SEC24A: variants seen among roughly 807,000 people sequenced by gnomAD.
The protein encoded by SEC24A is protein transport protein Sec24A.
A neutral mutation model predicts 129.4 loss-of-function variants in SEC24A; 93 were observed. The observed-to-expected ratio is 0.72, with a 90% CI of 0.61 to 0.85. The LOEUF (loss-of-function observed/expected upper bound fraction) is 0.85. Ranked by LOEUF, SEC24A falls within the 40% of genes least tolerant of loss-of-function variation. The probability of loss-of-function intolerance (pLI) is 0.00; values close to 1 mark genes in which losing one functional copy is unlikely to be tolerated. For synonymous variants in SEC24A, 460 were observed against 467.3 expected (o/e 0.98, Z 0.20); for missense variants, 1,264 against 1,307.4 (o/e 0.97, Z 0.51).
chr5:134,664,792 CTTTTTTTTTTTTTT>C (rs70976552), intron 2 of SEC24A, among the ~76,000 whole-genome samples: 5 of 86,206 alleles, frequency 5.8e-5, no homozygotes, highest in African/African-American at 8.2e-5. Flanking sequence ...TTTTCTTTTT[CTTTTTTTTTTTTTT>C]TTTTTTTTTT....
chr5:134,718,693 C>T (rs1014530216), intron 20 of SEC24A, among the ~76,000 whole-genome samples: 4 of 151,894 alleles, frequency 2.6e-5, no homozygotes, highest in African/African-American at 9.7e-5. Context: ...AAAATAGGGC[C>T]GGGCACGGTG....
intron 11 of SEC24A, among the ~76,000 whole-genome samples, 187 bp downstream of exon 11, chr5:134,688,486 T>C (rs1751524628): frequency 6.6e-6 from 1 of 152,168 alleles, no homozygotes; most frequent in Admixed American, 6.6e-5. Context: ...ATGGGGGTTA[T>C]GGAGACAACC....
intron 7 of SEC24A, among the ~76,000 whole-genome samples, chr5:134,678,815 C>T (rs575264039): frequency 2.9e-4 from 44 of 152,300 alleles, no homozygotes; most frequent in African/African-American, 1.0e-3. Context: ...CTCCTGACCT[C>T]GCGTTCCACC....
Position 134,661,254 on chromosome 5 carries a change from G to T in SEC24A, c.233G>T (p.Gly78Val). The T allele has an allele frequency of 6.2e-7, 1 of 1,614,134 alleles. No homozygotes were observed. The highest frequency in any genetic ancestry group is 8.5e-7 in the Non-Finnish European group (1 of 1,180,042). The change falls in exon 2 of 23, where the codon GGT (glycine) becomes GTT (valine). Residue 78 changes from glycine (G) to valine (V), a missense_variant. Gly to Val is a moderately radical substitution (Grantham distance 109). Transcript: ENST00000398844. ...GTCTCTGGACAGTCTAACTATGGTGGTTCTCAGGGATCTGGGCAGACTCTT... is the reference window on the plus strand; with the variant it reads ...GTCTCTGGACAGTCTAACTATGGTGTTTCTCAGGGATCTGGGCAGACTCTT... ...NPVSGQSNYGGSQGSGQTLNR... is the reference protein window; with the variant it reads ...NPVSGQSNYGVSQGSGQTLNR...
chr5:134,682,612 G>T lies in SEC24A; in HGVS notation c.1491+130G>T, dbSNP rs1290469726. 1.4e-5 allele frequency: 7 copies of T among 511,698 alleles called. No homozygotes were observed. The East Asian group carries it at 2.3e-4, about 17-fold the overall frequency. 31.7% of individuals were successfully genotyped at this position (511,698 alleles called of 1,614,324 possible). On this transcript the variant is annotated intron_variant, in intron 9 of 22. Coordinates refer to ENST00000398844, the MANE Select transcript of SEC24A (RefSeq NM_021982.3). Reference sequence around the variant, plus strand: ...ACAGAGTTTCACTCTCATTGCCCATGCTGGAGTGCAGTGGTGCAGTGGCAG... The same window carrying T: ...ACAGAGTTTCACTCTCATTGCCCATTCTGGAGTGCAGTGGTGCAGTGGCAG...
Position 134,725,774 on chromosome 5 carries a change from T to C in SEC24A, c.*680T>C, listed in dbSNP as rs1182172170. ...TGAGAACTATCATTAGGTGGTTTTC[T>C]GATTTCCTGATGAAGAGTTGGACAT... On this transcript the variant is annotated 3_prime_UTR_variant, in exon 23 of 23. Coordinates refer to ENST00000398844, the MANE Select transcript of SEC24A (RefSeq NM_021982.3). 3 of 152,566 alleles carry C rather than the reference T, an allele frequency of 2.0e-5. No homozygotes were observed. Among genetic ancestry groups the C allele is most frequent in the African/African-American group, 7.2e-5 (3 of 41,450 alleles). 9.5% of individuals were successfully genotyped at this position (152,566 alleles called of 1,614,324 possible).
chr5:134,705,075 TA>T (rs1752113988), intron 16 of SEC24A, among the ~76,000 whole-genome samples: 1 of 126,372 alleles, frequency 7.9e-6, no homozygotes, highest in African/African-American at 3.3e-5. Flanking sequence ...TATATTTATA[TA>T]TATATATATA....
chr5:134,666,170 T>A (rs1398098980), intron 2 of SEC24A, among the ~76,000 whole-genome samples: 2 of 152,182 alleles, frequency 1.3e-5, no homozygotes, highest in Non-Finnish European at 2.9e-5. Context: ...CAGGGCAATG[T>A]ATCTACTCTA....
intron 11 of SEC24A, among the ~76,000 whole-genome samples, chr5:134,688,599 A>C (rs1751528961): frequency 6.6e-6 from 1 of 152,170 alleles, no homozygotes; most frequent in Non-Finnish European, 1.5e-5. Context: ...GTATTTGAGG[A>C]TAGACATATA....
At chr5:134,698,757 C>T (rs892262367) in intron 15 of SEC24A, among the ~76,000 whole-genome samples, 3 of 151,222 alleles carry the variant, frequency 2.0e-5, no homozygotes, top group Non-Finnish European at 4.4e-5. Flanking sequence ...TTCAGCCTCC[C>T]GAGTAGCTGG....
chr5:134,708,605 GGAGA>G, intron 17 of SEC24A, 104 bp from the exon 18 acceptor site: 1 of 987,008 alleles, frequency 1.0e-6, no homozygotes, highest in East Asian at 2.5e-5. Context: ...GTAGTAAATT[GGAGA>G]GATACTTGGT....
intron 9 of SEC24A, among the ~76,000 whole-genome samples, chr5:134,685,133 G>A (rs954078390): frequency 2.6e-5 from 4 of 152,130 alleles, no homozygotes; most frequent in African/African-American, 9.7e-5. Flanking sequence ...ACTTTGGGAA[G>A]CCGATGCAGG....
At chr5:134,660,908 C>T (rs1482160076) in intron 1 of SEC24A, among the ~76,000 whole-genome samples, 2 of 152,108 alleles carry the variant, frequency 1.3e-5, no homozygotes, top group African/African-American at 4.8e-5. Context: ...GTTTGTATTT[C>T]TCTAATGACT....
intron 1 of SEC24A, among the ~76,000 whole-genome samples, chr5:134,650,841 C>T (rs1750023803): frequency 6.6e-6 from 1 of 152,048 alleles, no homozygotes; most frequent in Non-Finnish European, 1.5e-5. Flanking sequence ...ATGGCGCTAT[C>T]TCGGCTCACT....
chr5:134,705,086 ATATATTTTT>A (rs1468160892), intron 16 of SEC24A, among the ~76,000 whole-genome samples: 1 of 129,618 alleles, frequency 7.7e-6, no homozygotes, highest in African/African-American at 3.1e-5. Context: ...ATATATATAT[ATATATTTTT>A]TTTTTTTTAA....
rs192942904 is a variant in SEC24A, at chr5:134,688,366, A to T, written c.1723+67A>T. The T allele has an allele frequency of 5.0e-5, 47 of 942,838 alleles. No individual in the cohort carries two copies. In the Admixed American group the frequency reaches 8.9e-4, roughly 18 times the overall value. The allele number at this position is 942,838 out of a possible 1,614,324, so 58.4% of individuals were successfully genotyped here. A position where few individuals can be genotyped will look rare whatever the true frequency, so the allele number is the denominator to read the frequency against. Reference sequence around the variant, plus strand: ...GAAATATTTCTTGATTACTTGACAAATTGGATGTGTGTTGTTTGTAGTATG... The same window carrying T: ...GAAATATTTCTTGATTACTTGACAATTTGGATGTGTGTTGTTTGTAGTATG... On this transcript the variant is annotated intron_variant, in intron 11 of 22. Transcript: ENST00000398844.
At chr5:134,672,581 T>C (rs754122990) in intron 4 of SEC24A, among the ~76,000 whole-genome samples, 13 of 152,060 alleles carry the variant, frequency 8.5e-5, no homozygotes, top group Admixed American at 4.6e-4. Flanking sequence ...CTGCCCATTT[T>C]GCCTCCCAAA....
At chr5:134,670,043 C>T (rs1304018334) in intron 3 of SEC24A, among the ~76,000 whole-genome samples, 1 of 152,186 alleles carries the variant, frequency 6.6e-6, no homozygotes, top group Non-Finnish European at 1.5e-5. Context: ...TCTTGTGCCT[C>T]AGTCTCCTGA....
intron 11 of SEC24A, 86 bp downstream of exon 11, chr5:134,688,385 T>C: frequency 1.2e-6 from 1 of 806,552 alleles, no homozygotes; most frequent in South Asian, 1.5e-5. Context: ...GTGTTGTTTG[T>C]AGTATGTCAA....
Sources: gnomAD v4.1 joint callset for allele counts (sites outside exome capture counted in the v4.1 genomes callset) on GRCh38, gnomAD v4.1.1 for gene constraint, MANE v1.5 for transcripts, NCBI Gene and HGNC (gene_info 2026-07-23, HGNC 2026-07-21) for gene names.